Variants in PALM2AKAP2 observed in about 807,000 individuals in gnomAD.
The protein encoded by PALM2AKAP2 is PALM2 and AKAP2 fusion.
In PALM2AKAP2, 37 loss-of-function variants were observed where a neutral mutation model predicts 71.5. The observed-to-expected ratio is 0.52, with a 90% confidence interval of 0.40 to 0.68. PALM2AKAP2 has a LOEUF of 0.68. Ranked by LOEUF, PALM2AKAP2 falls within the 30% of genes least tolerant of loss-of-function variation. PALM2AKAP2 has a pLI of 0.00. For missense variants in PALM2AKAP2, 1,224 were observed against 1,191.8 expected, an observed-to-expected ratio of 1.03 and a Z score of -0.40; for synonymous variants, 468 against 478.8, an observed-to-expected ratio of 0.98 and a Z score of 0.29.
chr9:110,171,228 G>A (rs1320130521), exon 4 of PALM2AKAP2: 1 of 152,232 alleles, frequency 6.6e-6, no homozygotes, highest in Non-Finnish European at 1.5e-5. Context: ...AGATGAAGTG[G>A]TCTTTGACCA....
chr9:110,168,358 CA>C, intron 3 of PALM2AKAP2, 40 bp from the exon 11 acceptor site: 2 of 1,583,568 alleles, frequency 1.3e-6, no homozygotes, highest in Middle Eastern at 3.4e-4. Flanking sequence ...TCATAATTAA[CA>C]TCCATGAACT....
chr9:110,100,685 T>C (rs1288056921), intron 1 of PALM2AKAP2, among the ~76,000 whole-genome samples: 1 of 152,230 alleles, frequency 6.6e-6, no homozygotes, highest in Non-Finnish European at 1.5e-5. Flanking sequence ...CCAGCTGGGC[T>C]CTTTTGCATC....
intron 6 of PALM2AKAP2, among the ~76,000 whole-genome samples, chr9:110,007,477 T>C (rs7849348): frequency 0.012 from 1,857 of 152,334 alleles, 39 homozygotes; most frequent in African/African-American, 0.042. Context: ...TGATTCTTAG[T>C]ACAAGCCAGC....
intron 6 of PALM2AKAP2, among the ~76,000 whole-genome samples, chr9:110,010,450 C>CTA (rs1036677613): frequency 6.8e-6 from 1 of 146,956 alleles, no homozygotes; most frequent in African/African-American, 2.5e-5. Context: ...AATATACATA[C>CTA]TATATATATA....
At chr9:109,766,767 C>G (rs1347703967) in intron 1 of PALM2AKAP2, among the ~76,000 whole-genome samples, 2 of 152,196 alleles carry the variant, frequency 1.3e-5, no homozygotes, top group Non-Finnish European at 2.9e-5. Context: ...AAAGCCAACA[C>G]AGACCTTCTC....
intron 1 of PALM2AKAP2, among the ~76,000 whole-genome samples, chr9:109,822,086 G>A (rs1259219965): frequency 6.6e-6 from 1 of 152,220 alleles, no homozygotes; most frequent in Non-Finnish European, 1.5e-5. Flanking sequence ...AGGAGTCTGG[G>A]GTTCTAAGGC....
chr9:109,888,711 CAAAAAAAA>C lies in PALM2AKAP2; in HGVS notation c.257+8044_257+8051del, dbSNP rs34495775. Among the ~76,000 whole-genome samples the C allele has an allele frequency of 2.8e-4, 28 of 98,818 alleles. No homozygotes were observed. In the East Asian group the frequency reaches 8.1e-3, roughly 29 times the overall value. The allele number at this position is 98,818 out of a possible 152,430, so 64.8% of individuals were successfully genotyped here. ...GGCATCAAGAGCAAAATTTTGCCTC[CAAAAAAAA>C]AAAAAAAAAAAAAGAATAGTGCTGT... On this transcript the variant is annotated intron_variant, in intron 3 of 9. Coordinates refer to the PALM2AKAP2 transcript ENST00000302798.
chr9:109,909,710 A>G (rs1830526992), intron 3 of PALM2AKAP2, among the ~76,000 whole-genome samples: 2 of 152,224 alleles, frequency 1.3e-5, no homozygotes, highest in Non-Finnish European at 2.9e-5. Context: ...GGAAAAGTCC[A>G]AAGAAGACTT....
At chr9:109,913,446 T>C (rs1485916443) in intron 3 of PALM2AKAP2, among the ~76,000 whole-genome samples, 1 of 152,126 alleles carries the variant, frequency 6.6e-6, no homozygotes, top group Admixed American at 6.5e-5. Context: ...TGCTGAGACT[T>C]TGGATGTGGC....
intron 1 of PALM2AKAP2, among the ~76,000 whole-genome samples, chr9:110,073,634 C>T (rs1416606314): frequency 1.3e-5 from 2 of 152,146 alleles, no homozygotes; most frequent in Admixed American, 1.3e-4. Flanking sequence ...TTAAAGGTTG[C>T]ACATCTAAAT....
At chr9:110,004,962 C>A (rs1832749885) in intron 6 of PALM2AKAP2, among the ~76,000 whole-genome samples, 1 of 152,152 alleles carries the variant, frequency 6.6e-6, no homozygotes, top group African/African-American at 2.4e-5. Context: ...AACTTCTTTG[C>A]CATGGGTTCG....
At chr9:110,065,522 G>A (rs1049952654) in intron 1 of PALM2AKAP2, among the ~76,000 whole-genome samples, 2 of 152,140 alleles carry the variant, frequency 1.3e-5, no homozygotes. Context: ...CATCGTGCCT[G>A]CCCTGTTTTT....
At chr9:109,971,689 G>A (rs1210567984) in intron 6 of PALM2AKAP2, among the ~76,000 whole-genome samples, 1 of 152,138 alleles carries the variant, frequency 6.6e-6, no homozygotes, top group Non-Finnish European at 1.5e-5. Flanking sequence ...GCCTCCCAGA[G>A]TGCTGGGATT....
intron 1 of PALM2AKAP2, among the ~76,000 whole-genome samples, chr9:110,119,975 G>A (rs1835448474): frequency 6.6e-6 from 1 of 152,124 alleles, no homozygotes; most frequent in South Asian, 2.1e-4. Context: ...TACAGAGAAG[G>A]GCCCCAGGTC....
At chr9:110,016,876 C>G (rs969155064) in intron 7 of PALM2AKAP2, among the ~76,000 whole-genome samples, 1 of 152,102 alleles carries the variant, frequency 6.6e-6, no homozygotes, top group Non-Finnish European at 1.5e-5. Context: ...AGAGCTGTAA[C>G]TGGAGATATT....
chr9:110,073,263 CA>C (rs1834246898), intron 1 of PALM2AKAP2, among the ~76,000 whole-genome samples: 1 of 152,166 alleles, frequency 6.6e-6, no homozygotes, highest in Non-Finnish European at 1.5e-5. Context: ...TGTTTTCAGA[CA>C]AACACAAAGC....
chr9:109,912,130 A>G (rs765320360), intron 3 of PALM2AKAP2, among the ~76,000 whole-genome samples: 28 of 152,122 alleles, frequency 1.8e-4, no homozygotes, highest in Non-Finnish European at 1.3e-4. Context: ...GGAAGGCATA[A>G]GGCTGGAAAG....
At chr9:109,935,910 G>T (rs1831208223) in intron 6 of PALM2AKAP2, among the ~76,000 whole-genome samples, 1 of 152,142 alleles carries the variant, frequency 6.6e-6, no homozygotes, top group African/African-American at 2.4e-5. Flanking sequence ...GCACTTTACA[G>T]GCTGAAAACT....
chr9:109,764,903 A>G (rs1267635917), intron 1 of PALM2AKAP2, among the ~76,000 whole-genome samples: 3 of 152,246 alleles, frequency 2.0e-5, no homozygotes, highest in East Asian at 1.9e-4. Flanking sequence ...ACCATCTGTG[A>G]TGAGAAGACC....
Sources: gnomAD v4.1 joint callset for allele counts (sites outside exome capture counted in the v4.1 genomes callset) on GRCh38, gnomAD v4.1.1 for gene constraint, MANE v1.5 for transcripts, NCBI Gene and HGNC (gene_info 2026-07-23, HGNC 2026-07-21) for gene names.